The following MARCHF6 variants were observed in gnomAD, a reference collection of about 807,000 sequenced individuals.
MARCHF6 encodes membrane associated ring-CH-type finger 6, also known as E3 ubiquitin-protein ligase MARCHF6.
A neutral mutation model predicts 133.7 loss-of-function variants in MARCHF6; 31 were observed. That is an observed-to-expected ratio of 0.23 (90% CI 0.17 to 0.31). The LOEUF (loss-of-function observed/expected upper bound fraction) is 0.31. Among genes scored for constraint, MARCHF6 ranks in the 10% least tolerant of loss-of-function variants. The probability of loss-of-function intolerance (pLI) is 1.00; values close to 1 mark genes in which losing one functional copy is unlikely to be tolerated. For missense variants in MARCHF6, 723 were observed against 1,121.6 expected (o/e 0.64, Z 5.08); for synonymous variants, 395 against 402.5 (o/e 0.98, Z 0.22).
At position 10,417,299 on chromosome 5, in the gene MARCHF6, G is replaced by A. The variant is rs541401299; in HGVS notation, c.2178G>A (p.Leu726=). 353 of 1,613,854 alleles carry A rather than the reference G, an allele frequency of 2.2e-4. 3 individuals carry two copies. In the South Asian group the frequency reaches 3.5e-3, roughly 16 times the overall value. ...TGAAGACTTTGATAGTTGCGGTGCT[G>A]TTGGCTGGAGTTGTCCCTCTCCTTC... ...MIMKTLIVAV[L]LAGVVPLLLG... is the part of the protein sequence containing the mutation. The change falls in exon 22 of 26, where the codon CTG becomes CTA. Residue 726 remains leucine (L), a synonymous_variant. Transcript: ENST00000274140.
intron 9 of MARCHF6, among the ~76,000 whole-genome samples, chr5:10,397,035 A>T (rs991728429): frequency 2.0e-5 from 3 of 152,240 alleles, no homozygotes; most frequent in Non-Finnish European, 2.9e-5. Flanking sequence ...GATTATTTCT[A>T]AAAAGGAAGT....
At position 10,417,297 on chromosome 5, in the gene MARCHF6, C is replaced by T; in HGVS notation, c.2176C>T (p.Leu726=). ...MIMKTLIVAV[L]LAGVVPLLLG... Reference sequence around the variant, plus strand: ...CATGAAGACTTTGATAGTTGCGGTGCTGTTGGCTGGAGTTGTCCCTCTCCT... The same window carrying T: ...CATGAAGACTTTGATAGTTGCGGTGTTGTTGGCTGGAGTTGTCCCTCTCCT... The change falls in exon 22 of 26, where the codon CTG becomes TTG. Residue 726 remains leucine (L), a synonymous_variant. Transcript: ENST00000274140. 4 of 1,613,750 alleles carry T rather than the reference C, an allele frequency of 2.5e-6. No homozygotes were observed. The South Asian group carries it at 4.4e-5, about 18-fold the overall frequency.
chr5:10,357,645 G>A (rs1178321527), intron 1 of MARCHF6, among the ~76,000 whole-genome samples: 2 of 152,096 alleles, frequency 1.3e-5, no homozygotes, highest in Admixed American at 6.6e-5. Context: ...AGTCTTCTTT[G>A]TTTCCAGAGA....
At chr5:10,370,622 A>AT (rs1381753448) in intron 1 of MARCHF6, among the ~76,000 whole-genome samples, 2 of 151,352 alleles carry the variant, frequency 1.3e-5, no homozygotes, top group Non-Finnish European at 2.9e-5. Context: ...TCTTTTGCTG[A>AT]TTTTTTTTCA....
At chr5:10,356,150 TA>T (rs1001987422) in intron 1 of MARCHF6, among the ~76,000 whole-genome samples, 2 of 152,004 alleles carry the variant, frequency 1.3e-5, no homozygotes, top group African/African-American at 4.8e-5. Flanking sequence ...AAAAAACTAA[TA>T]AAAAATGTTC....
Position 10,435,639 on chromosome 5 carries a change from CTATATATATATATATATA to C in MARCHF6, c.*1997_*2014del, listed in dbSNP as rs1248965119. 43 of 2,414 alleles carry C rather than the reference CTATATATATATATATATA, an allele frequency of 0.018. No individual in the cohort carries two copies. The highest frequency in any genetic ancestry group is 0.091 in the South Asian group (4 of 44). 0.1% of individuals were successfully genotyped at this position (2,414 alleles called of 1,614,324 possible). A position where few individuals can be genotyped will look rare whatever the true frequency, so the allele number is the denominator to read the frequency against. ...AGCATATAACTATATAACTATATAACTATATATATATATATATATATATATATATATATATATATATAT... is the reference window on the plus strand; with the variant it reads ...AGCATATAACTATATAACTATATAACTATATATATATATATATATATATAT... On this transcript the variant is annotated 3_prime_UTR_variant, in exon 26 of 26. Coordinates refer to ENST00000274140, the MANE Select transcript of MARCHF6 (RefSeq NM_005885.4).
chr5:10,415,711 T>C (rs765132126), intron 21 of MARCHF6, 42 bp downstream of exon 21: 1 of 1,470,456 alleles, frequency 6.8e-7, no homozygotes, highest in East Asian at 2.3e-5. Context: ...ATGTTAGGAA[T>C]AGTGAATATT....
chr5:10,370,839 TTTTATC>T (rs1453117867), intron 1 of MARCHF6, among the ~76,000 whole-genome samples: 2 of 152,224 alleles, frequency 1.3e-5, no homozygotes, highest in Non-Finnish European at 2.9e-5. Flanking sequence ...CCTGGTTATT[TTTTATC>T]TTTATATTTC....
At chr5:10,427,546 A>G (rs1579621912) in intron 24 of MARCHF6, among the ~76,000 whole-genome samples, 1 of 152,264 alleles carries the variant, frequency 6.6e-6, no homozygotes. Flanking sequence ...TGTCCTCTCC[A>G]TAACTGTCTC....
intron 25 of MARCHF6, 80 bp from the exon 26 acceptor site, chr5:10,433,514 A>C: frequency 9.4e-7 from 1 of 1,060,810 alleles, no homozygotes; most frequent in Admixed American, 1.8e-5. Context: ...TTTAAGTAGG[A>C]GTTAGATTTA....
In MARCHF6 at chr5:10,411,328, C is replaced by T; in HGVS notation, c.1692-5C>T. The T allele has an allele frequency of 6.2e-7, 1 of 1,613,124 alleles. No homozygotes were observed. The highest frequency in any genetic ancestry group is 8.5e-7 in the Non-Finnish European group (1 of 1,179,260). ...AGACTTGTTACTGATGTAATTTTTG[C>T]ACAGGGATCTTCATTCTTATTTATT... On this transcript the variant is annotated splice_polypyrimidine_tract_variant and splice_region_variant and intron_variant, in intron 18 of 25. Coordinates refer to ENST00000274140, the MANE Select transcript of MARCHF6 (RefSeq NM_005885.4).
Position 10,434,481 on chromosome 5 carries a change from C to G in MARCHF6, c.*797C>G, listed in dbSNP as rs1241570152. On this transcript the variant is annotated 3_prime_UTR_variant, in exon 26 of 26. Transcript: ENST00000274140. ...ATGAAGATTTTCATGAGTCAGCCCC[C>G]CCGCCCGCCCCCACCCCACACCCAC... 7.2e-6 allele frequency: 1 copy of G among 138,004 alleles called. No homozygotes were observed. Among genetic ancestry groups the G allele is most frequent in the South Asian group, 2.8e-4 (1 of 3,600 alleles). The allele number at this position is 138,004 out of a possible 1,614,324, so 8.5% of individuals were successfully genotyped here.
chr5:10,396,584 A>C (rs1738204004), intron 9 of MARCHF6, among the ~76,000 whole-genome samples: 2 of 152,188 alleles, frequency 1.3e-5, no homozygotes, highest in Admixed American at 6.5e-5. Flanking sequence ...GGATCATTTA[A>C]CTTGATGGTT....
chr5:10,354,014 G>C (rs1735274053), intron 1 of MARCHF6, 97 bp downstream of exon 1: 1 of 1,292,034 alleles, frequency 7.7e-7, no homozygotes, highest in East Asian at 3.0e-5. Context: ...GCTGGATCGC[G>C]GCGGGGCGGA....
chr5:10,391,997 C>T (rs1342590095), intron 7 of MARCHF6, among the ~76,000 whole-genome samples: 15 of 144,978 alleles, frequency 1.0e-4, no homozygotes, highest in Admixed American at 8.5e-4. Flanking sequence ...CTCGCTCTGT[C>T]GCCCAGGCTG....
At chr5:10,408,684 G>A (rs1047913639) in intron 17 of MARCHF6, among the ~76,000 whole-genome samples, 18 of 152,090 alleles carry the variant, frequency 1.2e-4, no homozygotes, top group African/African-American at 2.9e-4. Flanking sequence ...GACTACAGGC[G>A]CAAGCCACCA....
intron 16 of MARCHF6, among the ~76,000 whole-genome samples, chr5:10,406,658 G>A (rs1383010663): frequency 6.6e-6 from 1 of 152,070 alleles, no homozygotes; most frequent in Non-Finnish European, 1.5e-5. Context: ...AAAGTGCTGG[G>A]ATTACCTCAC....
chr5:10,428,331 GTTTTT>G (rs10604024), intron 24 of MARCHF6, among the ~76,000 whole-genome samples: 1 of 75,780 alleles, frequency 1.3e-5, no homozygotes. Flanking sequence ...TTGCTTTTTA[GTTTTT>G]TTTTTTTTTT....
intron 1 of MARCHF6, among the ~76,000 whole-genome samples, chr5:10,365,884 T>C (rs1221790409): frequency 6.6e-6 from 1 of 152,134 alleles, no homozygotes; most frequent in Non-Finnish European, 1.5e-5. Context: ...TAAGGGAGTG[T>C]GGTCATTTAA....
Sources: allele counts gnomAD v4.1 joint callset (sites outside exome capture counted in the v4.1 genomes callset), GRCh38; gene constraint gnomAD v4.1.1; transcripts MANE v1.5; gene names NCBI Gene and HGNC (gene_info 2026-07-23, HGNC 2026-07-21).